Variants in CTSC observed in about 807,000 individuals in gnomAD.
CTSC encodes the protein dipeptidyl peptidase 1.
In CTSC, 37 loss-of-function variants were observed where a neutral mutation model predicts 40.9. That is an observed-to-expected ratio of 0.91 (90% CI 0.70 to 1.19). The LOEUF (loss-of-function observed/expected upper bound fraction) is 1.19. Ranked by LOEUF, CTSC falls within the 50% of genes most tolerant of loss-of-function variation. CTSC has a pLI of 0.00. For missense variants in CTSC, 594 were observed against 567.3 expected (o/e 1.05, Z -0.48); for synonymous variants, 232 against 207.4 (o/e 1.12, Z -1.02).
At chr11:88,337,398 C>T in intron 1 of CTSC, 103 bp downstream of exon 1, 1 of 1,222,098 alleles carries the variant, frequency 8.2e-7, no homozygotes, top group Non-Finnish European at 1.2e-6. Context: ...CTCTGGCCAC[C>T]CACAAGCGTC....
rs768506957 is a variant in CTSC at position 88,294,215 on chromosome 11, C to T, written c.1183G>A (p.Asp395Asn). The T allele has an allele frequency of 1.2e-6, 2 of 1,613,866 alleles. No individual in the cohort carries two copies. The highest frequency in any genetic ancestry group is 2.2e-5 in the East Asian group (1 of 44,872). ...KGIYHHTGLR[D>N]PFNPFELTNH... is the part of the protein sequence containing the mutation. The stretch of plus-strand genomic sequence containing the variant: ...GTCAGCTCAAAGGGGTTGAAAGGGT[C>T]TCTTAGACCAGTGTGGTGGTAGATC... Residue 395 changes from aspartate (D) to asparagine (N), a missense_variant, in exon 7 of 7, where the codon GAC (aspartate) becomes AAC (asparagine). Physicochemically the swap from Asp to Asn is conservative, Grantham distance 23. Coordinates refer to ENST00000227266, the MANE Select transcript of CTSC (RefSeq NM_001814.6).
At chr11:88,312,271 A>G in intron 3 of CTSC, 117 bp downstream of exon 3, 2 of 976,380 alleles carry the variant, frequency 2.0e-6, no homozygotes, top group East Asian at 5.1e-5. Flanking sequence ...TAGCATGCCT[A>G]ATATTTCTAA....
intron 2 of CTSC, among the ~76,000 whole-genome samples, chr11:88,316,347 G>A (rs1422960867): frequency 1.3e-5 from 2 of 152,114 alleles, no homozygotes; most frequent in Non-Finnish European, 2.9e-5. Context: ...AGTGGCTCAT[G>A]CCTTTAATCC....
At chr11:88,334,370 G>A (rs1938436876) in intron 2 of CTSC, among the ~76,000 whole-genome samples, 1 of 152,180 alleles carries the variant, frequency 6.6e-6, no homozygotes, top group Non-Finnish European at 1.5e-5. Flanking sequence ...ATGAGAGAAG[G>A]AAACAAGCTG....
chr11:88,305,646 T>A (rs915399184), intron 4 of CTSC, among the ~76,000 whole-genome samples: 3 of 152,204 alleles, frequency 2.0e-5, no homozygotes, highest in Non-Finnish European at 2.9e-5. Context: ...AGAACAGAAC[T>A]AATTTATAAA....
At chr11:88,329,870 G>A (rs1348722879) in intron 2 of CTSC, among the ~76,000 whole-genome samples, 1 of 152,158 alleles carries the variant, frequency 6.6e-6, no homozygotes, top group East Asian at 1.9e-4. Flanking sequence ...GGGACTACAG[G>A]CGTGCGCTGC....
intron 2 of CTSC, among the ~76,000 whole-genome samples, chr11:88,331,515 T>C (rs1240018784): frequency 2.0e-5 from 3 of 152,246 alleles, no homozygotes; most frequent in Non-Finnish European, 4.4e-5. Flanking sequence ...CTTCTGTCCC[T>C]GCGGAGTTAG....
chr11:88,337,346 G>C (rs186718546), intron 1 of CTSC, among the ~76,000 whole-genome samples, 155 bp downstream of exon 1: 14 of 152,274 alleles, frequency 9.2e-5, no homozygotes, highest in African/African-American at 3.4e-4. Context: ...CGAGCCTGGC[G>C]GGGAAGAAGG....
chr11:88,336,458 A>C (rs994396119), intron 1 of CTSC, among the ~76,000 whole-genome samples: 10 of 151,114 alleles, frequency 6.6e-5, no homozygotes, highest in African/African-American at 2.4e-4. Context: ...AGAATCGCTT[A>C]AACCCGGGAG....
rs1424429034 is a variant in CTSC at position 88,309,189 on chromosome 11, A to C, written c.615T>G (p.Ser205Arg). ...TLTLGDMIRRSGGHSRKIPRP... is the reference protein window; with the variant it reads ...TLTLGDMIRRRGGHSRKIPRP... ...TTGGGATTTTTCGACTGTGGCCACC[A>C]CTTCTCCTAATCATATCTCCCAGGG... Residue 205 changes from serine (S) to arginine (R), a missense_variant, in exon 4 of 7, where the codon AGT (serine) becomes AGG (arginine). Transcript: ENST00000227266. 1 of 1,614,040 alleles carries C rather than the reference A, an allele frequency of 6.2e-7. No homozygotes were observed. The highest frequency in any genetic ancestry group is 8.5e-7 in the Non-Finnish European group (1 of 1,179,940).
At chr11:88,328,702 A>T (rs1938260666) in intron 2 of CTSC, among the ~76,000 whole-genome samples, 1 of 152,110 alleles carries the variant, frequency 6.6e-6, no homozygotes, top group South Asian at 2.1e-4. Context: ...ATGTCAGCTC[A>T]CTGCAACCTC....
rs373361685 is a variant in CTSC, at chr11:88,300,981, G to A, written c.642-336C>T. On this transcript the variant is annotated intron_variant, in intron 4 of 6. Transcript: ENST00000227266. ...AAAGATTTTTGACCAAGAAAGAGAT[G>A]AGAAGTAGAAGACATAAGAAGGGTT... Among the ~76,000 whole-genome samples, 5 of 152,236 alleles carry A rather than the reference G, an allele frequency of 3.3e-5. No individual in the cohort carries two copies. In the East Asian group the frequency reaches 5.8e-4, roughly 18 times the overall value.
chr11:88,300,543 A>G lies in CTSC; in HGVS notation c.744T>C (p.Pro248=). ...TTATTTTTTTACCTTGGTTTCGAAC[A>G]GGACTGACAAAATTGATACCATGAA... ...RNVHGINFVS[P]VRNQASCGSC... The change falls in exon 5 of 7, where the codon CCT becomes CCC. Residue 248 remains proline (P), a synonymous_variant. Transcript: ENST00000227266. 1 of 1,606,256 alleles carries G rather than the reference A, an allele frequency of 6.2e-7. No individual in the cohort carries two copies. The highest frequency in any genetic ancestry group is 8.5e-7 in the Non-Finnish European group (1 of 1,172,806).
intron 5 of CTSC, among the ~76,000 whole-genome samples, chr11:88,299,979 C>T (rs1944340364): frequency 1.3e-5 from 2 of 152,182 alleles, no homozygotes; most frequent in Non-Finnish European, 2.9e-5. Flanking sequence ...TCCGCCCTCA[C>T]GCCATCACTC....
chr11:88,296,377 T>C (rs1944299398), intron 5 of CTSC, 113 bp from the exon 6 acceptor site: 15 of 1,330,838 alleles, frequency 1.1e-5, no homozygotes, highest in Middle Eastern at 1.9e-4. Flanking sequence ...TGTTGTTGTT[T>C]ATAAGAATCA....
chr11:88,313,056 T>C (rs1257388299), intron 2 of CTSC, among the ~76,000 whole-genome samples: 1 of 152,142 alleles, frequency 6.6e-6, no homozygotes, highest in Non-Finnish European at 1.5e-5. Flanking sequence ...ACTAGGAAAC[T>C]ACAAGAACAA....
At position 88,293,751 on chromosome 11, in the gene CTSC, T is replaced by G. The variant is rs542685917; in HGVS notation, c.*255A>C. On this transcript the variant is annotated 3_prime_UTR_variant, in exon 7 of 7. Transcript: ENST00000227266. ...ATAGCATGTTTGAATTACAAATGAT[T>G]AAGCAAACTCTATTACTTCATAGCT... 1.4e-4 allele frequency: 69 copies of G among 506,294 alleles called. No homozygotes were observed. The East Asian group carries it at 2.3e-3, about 17-fold the overall frequency. 31.4% of individuals were successfully genotyped at this position (506,294 alleles called of 1,614,324 possible). A position where few individuals can be genotyped will look rare whatever the true frequency, so the allele number is the denominator to read the frequency against.
chr11:88,333,028 C>A (rs772931830), intron 2 of CTSC, among the ~76,000 whole-genome samples: 1 of 152,132 alleles, frequency 6.6e-6, no homozygotes, highest in Non-Finnish European at 1.5e-5. Flanking sequence ...GTGCTTACAC[C>A]GTGATTCACA....
At chr11:88,306,037 C>T (rs969549600) in intron 4 of CTSC, among the ~76,000 whole-genome samples, 3 of 152,204 alleles carry the variant, frequency 2.0e-5, no homozygotes, top group African/African-American at 7.2e-5. Context: ...ATTAGGACTT[C>T]ACTTTGGTGA....
Sources: allele counts gnomAD v4.1 joint callset (sites outside exome capture counted in the v4.1 genomes callset), GRCh38; gene constraint gnomAD v4.1.1; transcripts MANE v1.5; gene names NCBI Gene and HGNC (gene_info 2026-07-23, HGNC 2026-07-21).